KCNIP3: variants seen among roughly 807,000 people sequenced by gnomAD.
The protein encoded by KCNIP3 is calsenilin.
KCNIP3 carries 28 observed loss-of-function variants against 35.0 expected under a neutral mutation model. The observed-to-expected ratio is 0.80, with a 90% CI of 0.59 to 1.10. The LOEUF is 1.10. KCNIP3 is among the 50% of genes least tolerant of loss of function. The pLI is 0.00. For synonymous variants in KCNIP3, 134 were observed against 133.8 expected (o/e 1.00, Z -0.01); for missense variants, 295 against 338.4 (o/e 0.87, Z 1.01).
chr2:95,326,061 A>G (rs1678767926), intron 2 of KCNIP3, among the ~76,000 whole-genome samples: 1 of 150,940 alleles, frequency 6.6e-6, no homozygotes, highest in Non-Finnish European at 1.5e-5. Flanking sequence ...ACACACATAC[A>G]CATTCACTCA....
chr2:95,363,819 A>G (rs1156288052), intron 2 of KCNIP3, among the ~76,000 whole-genome samples: 1 of 152,166 alleles, frequency 6.6e-6, no homozygotes, highest in Non-Finnish European at 1.5e-5. Context: ...TTATCTTGGT[A>G]TTTTTAATTA....
At chr2:95,359,065 C>T (rs972619969) in intron 2 of KCNIP3, among the ~76,000 whole-genome samples, 3 of 152,112 alleles carry the variant, frequency 2.0e-5, no homozygotes, top group African/African-American at 7.2e-5. Flanking sequence ...AGGGGACAAA[C>T]ATTCAAACTG....
At position 95,302,301 on chromosome 2, in the gene KCNIP3, T is replaced by A. The variant is rs1573476258; in HGVS notation, c.15+4848T>A. On this transcript the variant is annotated intron_variant, in intron 1 of 8. Transcript: ENST00000295225. ...TGAGAATCGGGGGACCCCCTTTGCC[T>A]TTCAGGCAAGGCCAAGAATTTTCTA... is the stretch of plus-strand genomic sequence containing the variant. Among the ~76,000 whole-genome samples, 9 of 152,336 alleles carry A rather than the reference T, an allele frequency of 5.9e-5. 1 individual carries two copies. The South Asian group carries it at 1.9e-3, about 32-fold the overall frequency.
At chr2:95,355,705 A>T (rs1242879158) in intron 2 of KCNIP3, among the ~76,000 whole-genome samples, 1 of 152,164 alleles carries the variant, frequency 6.6e-6, no homozygotes, top group African/African-American at 2.4e-5. Context: ...ATAGTATTCC[A>T]TGGTGTATAT....
chr2:95,335,693 A>G (rs1032038030), intron 2 of KCNIP3, among the ~76,000 whole-genome samples: 3 of 152,056 alleles, frequency 2.0e-5, no homozygotes, highest in Non-Finnish European at 4.4e-5. Context: ...TTCAAATTCT[A>G]TTGTTATTTC....
chr2:95,363,888 A>G (rs962088894), intron 2 of KCNIP3, among the ~76,000 whole-genome samples: 13 of 152,188 alleles, frequency 8.5e-5, no homozygotes, highest in African/African-American at 2.9e-4. Context: ...GTATCGATTA[A>G]TCTTATATCT....
Position 95,332,435 on chromosome 2 carries a change from G to A in KCNIP3, c.181+21915G>A, listed in dbSNP as rs150129676. On this transcript the variant is annotated intron_variant, in intron 2 of 8. Transcript: ENST00000295225. ...TCAAGACCAGCCTGGCCAACATGGC[G>A]GAACGCCATCTCTTATTTTGAAAAT... Among the ~76,000 whole-genome samples the A allele has an allele frequency of 5.0e-3, 765 of 152,360 alleles. 10 individuals carry two copies. The highest frequency in any genetic ancestry group is 0.018 in the African/African-American group (738 of 41,578).
chr2:95,366,641 G>T (rs1336628527), intron 2 of KCNIP3, among the ~76,000 whole-genome samples: 1 of 152,130 alleles, frequency 6.6e-6, no homozygotes, highest in Non-Finnish European at 1.5e-5. Context: ...TCTCCTGCCA[G>T]CAACATATAG....
At chr2:95,381,405 G>T (rs1680335795) in intron 5 of KCNIP3, among the ~76,000 whole-genome samples, 191 bp from the exon 6 acceptor site, 1 of 152,098 alleles carries the variant, frequency 6.6e-6, no homozygotes, top group African/African-American at 2.4e-5. Context: ...ACACACACAG[G>T]TGCACACCCG....
intron 2 of KCNIP3, 140 bp from the exon 3 acceptor site, chr2:95,374,156 C>T (rs1266089548): frequency 1.9e-6 from 2 of 1,079,910 alleles, no homozygotes; most frequent in East Asian, 2.4e-5. Flanking sequence ...GTGCAGTGCA[C>T]AGCCTGTGTG....
At chr2:95,341,556 G>C (rs796315260) in intron 2 of KCNIP3, among the ~76,000 whole-genome samples, 35 of 152,250 alleles carry the variant, frequency 2.3e-4, no homozygotes, top group African/African-American at 7.9e-4. Flanking sequence ...CCTCTTGCGT[G>C]TCTTGAGATG....
intron 2 of KCNIP3, among the ~76,000 whole-genome samples, chr2:95,314,947 G>T (rs546247169): frequency 2.0e-5 from 3 of 152,300 alleles, no homozygotes; most frequent in Admixed American, 6.5e-5. Flanking sequence ...CCTGGAACCC[G>T]CAACGGCTGC....
intron 1 of KCNIP3, among the ~76,000 whole-genome samples, chr2:95,307,675 A>G (rs1678211623): frequency 6.6e-6 from 1 of 152,198 alleles, no homozygotes; most frequent in African/African-American, 2.4e-5. Context: ...CTGGGGCTTC[A>G]AGACAGAATC....
At chr2:95,356,032 G>A (rs546533012) in intron 2 of KCNIP3, among the ~76,000 whole-genome samples, 126 of 152,204 alleles carry the variant, frequency 8.3e-4, no homozygotes, top group South Asian at 5.6e-3. Context: ...TTTAATGATC[G>A]CCATTCTAAC....
chr2:95,302,903 T>G (rs1181756122), intron 1 of KCNIP3: 1 of 152,814 alleles, frequency 6.5e-6, no homozygotes, highest in Non-Finnish European at 1.5e-5. Context: ...TTTGCATCCG[T>G]TAAGTCTGTA....
chr2:95,297,358 A>AG lies in KCNIP3; in HGVS notation c.-80dup. On this transcript the variant is annotated 5_prime_UTR_variant, in exon 1 of 9. It introduces an in-frame stop codon into an upstream open reading frame of the 5' UTR. Coordinates refer to ENST00000295225, the MANE Select transcript of KCNIP3 (RefSeq NM_013434.5). ...GTCTGGGTCCAAGCAAACATGAGGC[A>AG]GCTGCCAGCCGGCCTGGGCAGTCTT... is the stretch of plus-strand genomic sequence containing the variant. The AG allele has an allele frequency of 7.0e-7, 1 of 1,425,194 alleles. No individual in the cohort carries two copies. Among genetic ancestry groups the AG allele is most frequent in the East Asian group, 2.5e-5 (1 of 39,994 alleles). 88.3% of individuals were successfully genotyped at this position (1,425,194 alleles called of 1,614,324 possible).
intron 2 of KCNIP3, 82 bp downstream of exon 2, chr2:95,310,602 C>A: frequency 6.6e-7 from 1 of 1,514,606 alleles, no homozygotes; most frequent in Non-Finnish European, 9.1e-7. Context: ...GGCTCAAAGG[C>A]CAGCCTGGGA....
intron 2 of KCNIP3, among the ~76,000 whole-genome samples, chr2:95,359,321 A>G (rs1215894440): frequency 1.4e-5 from 2 of 143,956 alleles, no homozygotes; most frequent in African/African-American, 5.9e-5. Flanking sequence ...ACGGTGAGAC[A>G]GTTGTGGGAT....
intron 2 of KCNIP3, among the ~76,000 whole-genome samples, chr2:95,358,134 T>G (rs1364627285): frequency 6.6e-6 from 1 of 152,136 alleles, no homozygotes; most frequent in Non-Finnish European, 1.5e-5. Flanking sequence ...CGAGAGGTTT[T>G]TAGAGAATCT....
Sources: gnomAD v4.1 joint callset for allele counts (sites outside exome capture counted in the v4.1 genomes callset) on GRCh38, gnomAD v4.1.1 for gene constraint, MANE v1.5 for transcripts, NCBI Gene and HGNC (gene_info 2026-07-23, HGNC 2026-07-21) for gene names.